The following SLC25A5 variants were observed in gnomAD, a reference collection of about 807,000 sequenced individuals.
The protein encoded by SLC25A5 is solute carrier family 25 member 5, also known as ADP/ATP translocase 2.
In SLC25A5, 4 loss-of-function variants were observed where a neutral mutation model predicts 16.5. The observed-to-expected ratio is 0.24, with a 90% CI of 0.12 to 0.56. SLC25A5 has a LOEUF of 0.56. SLC25A5 is among the 20% of genes least tolerant of loss of function. The pLI, the probability that SLC25A5 is intolerant of heterozygous loss-of-function variation, is 0.93. For missense variants in SLC25A5, 88 were observed against 248.0 expected (o/e 0.35, Z 4.33); for synonymous variants, 60 against 95.2 (o/e 0.63, Z 2.15).
At position 119,471,083 on chromosome X, in the gene SLC25A5, T is replaced by C. The variant is rs2052829711; in HGVS notation, c.*25T>C. 11 of 1,181,018 alleles carry C rather than the reference T, an allele frequency of 9.3e-6. No individual in the cohort carries two copies. Among genetic ancestry groups the C allele is most frequent in the Non-Finnish European group, 1.3e-5 (11 of 873,369 alleles). Reference sequence around the variant, plus strand: ...AGTTATTTCCTAGGATTTTTCCCCCTGTGAACAGGCATGTTGTATTATATA... The same window carrying C: ...AGTTATTTCCTAGGATTTTTCCCCCCGTGAACAGGCATGTTGTATTATATA... On this transcript the variant is annotated 3_prime_UTR_variant, in exon 4 of 4. Coordinates refer to ENST00000317881, the MANE Select transcript of SLC25A5 (RefSeq NM_001152.5).
chrX:119,469,258 C>T (rs941968642), intron 1 of SLC25A5: 2 of 120,782 alleles, frequency 1.7e-5, no homozygotes, highest in Non-Finnish European at 1.7e-5. Flanking sequence ...CGGGTCACCT[C>T]TGGGAGCGGA....
chrX:119,470,295 G>A, intron 2 of SLC25A5, 78 bp from the exon 3 acceptor site: 1 of 1,144,476 alleles, frequency 8.7e-7, no homozygotes, highest in South Asian at 2.0e-5. Flanking sequence ...GTGTACAGAT[G>A]ACGTGTTTAG....
chrX:119,470,150 A>G lies in SLC25A5; in HGVS notation c.598+3A>G. On this transcript the variant is annotated splice_donor_region_variant and intron_variant, in intron 2 of 3. Coordinates refer to ENST00000317881, the MANE Select transcript of SLC25A5 (RefSeq NM_001152.5). ...CGGTATCTATGACACTGCAAAGGGT[A>G]AGTTTGCTGTGGGCTTTAACGTTGT... is the stretch of plus-strand genomic sequence containing the variant. The G allele has an allele frequency of 1.7e-6, 2 of 1,183,779 alleles. No individual in the cohort carries two copies. The highest frequency in any genetic ancestry group is 2.3e-6 in the Non-Finnish European group (2 of 882,393).
Position 119,471,242 on chromosome X carries a change from T to C in SLC25A5, c.*184T>C. 1 of 322,697 alleles carries C rather than the reference T, an allele frequency of 3.1e-6. No individual in the cohort carries two copies. The highest frequency in any genetic ancestry group is 5.3e-6 in the Non-Finnish European group (1 of 187,838). 26.6% of individuals were successfully genotyped at this position (322,697 alleles called of 1,213,427 possible). A position where few individuals can be genotyped will look rare whatever the true frequency, so the allele number is the denominator to read the frequency against. On this transcript the variant is annotated 3_prime_UTR_variant, in exon 4 of 4. Transcript: ENST00000317881. ...AAAGCCATTTCCATGATGATGATGA[T>C]GGGACTCAATTGTATTTTTTATTTC...
chrX:119,468,465 G>A lies in SLC25A5; in HGVS notation c.-51G>A, dbSNP rs2052800700. 3 of 1,095,107 alleles carry A rather than the reference G, an allele frequency of 2.7e-6. No homozygotes were observed. Among genetic ancestry groups the A allele is most frequent in the Non-Finnish European group, 3.8e-6 (3 of 796,761 alleles). 90.2% of individuals were successfully genotyped at this position (1,095,107 alleles called of 1,213,427 possible). A position where few individuals can be genotyped will look rare whatever the true frequency, so the allele number is the denominator to read the frequency against. On this transcript the variant is annotated 5_prime_UTR_variant, in exon 1 of 4. Coordinates refer to ENST00000317881, the MANE Select transcript of SLC25A5 (RefSeq NM_001152.5). ...TCCGCCCCGCAGCGCCGGAGTCAAA[G>A]CCGGTTCCCGGCCCAGTCCCGTCCT...
chrX:119,469,450 G>A (rs2052812299), intron 1 of SLC25A5: 1 of 415,606 alleles, frequency 2.4e-6, no homozygotes, highest in African/African-American at 2.5e-5. Flanking sequence ...TCCACTCAGA[G>A]GGGTGGAGGC....
rs763886579 is a variant in SLC25A5, at chrX:119,471,077, T to C, written c.*19T>C. ...CACATAAGTTATTTCCTAGGATTTT[T>C]CCCCCTGTGAACAGGCATGTTGTAT... On this transcript the variant is annotated 3_prime_UTR_variant, in exon 4 of 4. Transcript: ENST00000317881. 2.5e-6 allele frequency: 3 copies of C among 1,193,619 alleles called. No individual in the cohort carries two copies. Among genetic ancestry groups the C allele is most frequent in the Non-Finnish European group, 3.4e-6 (3 of 883,519 alleles).
Position 119,471,005 on chromosome X carries a change from A to G in SLC25A5, c.844A>G (p.Met282Val). ...KGAWSNVLRG[M>V]GGAFVLVLYD... ...TGCATGGTCCAATGTTCTCAGAGGC[A>G]TGGGTGGTGCTTTTGTGCTTGTCTT... Residue 282 changes from methionine (M) to valine (V), a missense_variant, in exon 4 of 4, where the codon ATG (methionine) becomes GTG (valine). By Grantham distance (21) the Met-to-Val change is conservative. Transcript: ENST00000317881. 1 of 1,212,259 alleles carries G rather than the reference A, an allele frequency of 8.2e-7. No homozygotes were observed. The highest frequency in any genetic ancestry group is 1.8e-5 in the South Asian group (1 of 56,936).
In SLC25A5 at chrX:119,469,880, C is replaced by T. The variant is rs11552290; in HGVS notation, c.331C>T (p.Leu111Phe). The T allele has an allele frequency of 8.2e-7, 1 of 1,212,763 alleles. No homozygotes were observed. Among genetic ancestry groups the T allele is most frequent in the Non-Finnish European group, 1.1e-6 (1 of 895,604 alleles). ...GGVDKRTQFW[L>F]YFAGNLASGG... ...TGTGGACAAGAGAACCCAGTTTTGG[C>T]TCTACTTTGCAGGGAATCTGGCATC... Residue 111 changes from leucine to phenylalanine, a missense_variant, in exon 2 of 4, where the codon CTC becomes TTC. Transcript: ENST00000317881.
At chrX:119,469,486 C>T in intron 1 of SLC25A5, 175 bp from the exon 2 acceptor site, 1 of 515,910 alleles carries the variant, frequency 1.9e-6, no homozygotes, top group South Asian at 3.3e-5. Flanking sequence ...CAGATCACCT[C>T]TTCCCCTGTG....
Position 119,469,658 on chromosome X carries a change from T to C in SLC25A5, c.112-3T>C, listed in dbSNP as rs2052814579. ...CCCTGTTGGCTTCCTTCCTGTCTGT[T>C]AGGTGCAGCATGCCAGCAAGCAGAT... On this transcript the variant is annotated splice_polypyrimidine_tract_variant and splice_region_variant and intron_variant, in intron 1 of 3. Transcript: ENST00000317881. 1.0e-6 allele frequency: 1 copy of C among 985,248 alleles called. No individual in the cohort carries two copies. The highest frequency in any genetic ancestry group is 1.3e-6 in the Non-Finnish European group (1 of 776,542). 81.2% of individuals were successfully genotyped at this position (985,248 alleles called of 1,213,427 possible). A position where few individuals can be genotyped will look rare whatever the true frequency, so the allele number is the denominator to read the frequency against.
chrX:119,468,788 G>T, intron 1 of SLC25A5, 162 bp downstream of exon 1: 1 of 464,413 alleles, frequency 2.2e-6, no homozygotes, highest in South Asian at 3.2e-5. Flanking sequence ...AAGTCAAACT[G>T]GTGGGAGGCG....
Position 119,470,520 on chromosome X carries a change from T to G in SLC25A5, c.739+7T>G. ...CAGTCAGGGCGCAAAGGAAGTAAGT[T>G]CCACTTGAGCAGAAGATAAAGTTGT... is the stretch of plus-strand genomic sequence containing the variant. On this transcript the variant is annotated splice_region_variant and intron_variant, in intron 3 of 3. Transcript: ENST00000317881. 1 of 1,203,414 alleles carries G rather than the reference T, an allele frequency of 8.3e-7. No individual in the cohort carries two copies. The highest frequency in any genetic ancestry group is 1.1e-6 in the Non-Finnish European group (1 of 891,136).
At chrX:119,468,951 C>T (rs2052806023) in intron 1 of SLC25A5, 4 of 252,480 alleles carry the variant, frequency 1.6e-5, no homozygotes, top group South Asian at 8.8e-5. Context: ...GGCCGAAAGC[C>T]GGCGTTAGAA....
At chrX:119,470,327 A>T in intron 2 of SLC25A5, 46 bp from the exon 3 acceptor site, 3 of 1,193,682 alleles carry the variant, frequency 2.5e-6, no homozygotes, top group Non-Finnish European at 3.4e-6. Flanking sequence ...AAAGGAAGTC[A>T]GTAAAACTCT....
chrX:119,469,257 T>TTAAAAAA, intron 1 of SLC25A5: 1 of 121,262 alleles, frequency 8.2e-6, no homozygotes, highest in South Asian at 2.9e-4. Context: ...TCGGGTCACC[T>TTAAAAAA]CTGGGAGCGG....
chrX:119,469,649 C>T lies in SLC25A5; in HGVS notation c.112-12C>T, dbSNP rs1326793312. ...TATAACTGTCCCTGTTGGCTTCCTT[C>T]CTGTCTGTTAGGTGCAGCATGCCAG... is the stretch of plus-strand genomic sequence containing the variant. On this transcript the variant is annotated splice_polypyrimidine_tract_variant and intron_variant, in intron 1 of 3. Coordinates refer to ENST00000317881, the MANE Select transcript of SLC25A5 (RefSeq NM_001152.5). The T allele has an allele frequency of 8.5e-7, 1 of 1,178,285 alleles. No homozygotes were observed. Among genetic ancestry groups the T allele is most frequent in the Non-Finnish European group, 1.1e-6 (1 of 878,059 alleles).
rs769085937 is a variant in SLC25A5, at chrX:119,470,989, C to T, written c.828C>T (p.Ser276=). The part of the protein sequence containing the change: ...GGKAFFKGAW[S]NVLRGMGGAF... ...AAGCTTTTTTCAAGGGTGCATGGTC[C>T]AATGTTCTCAGAGGCATGGGTGGTG... The change falls in exon 4 of 4, where the codon TCC becomes TCT. Residue 276 remains serine, a synonymous_variant. Transcript: ENST00000317881. 15 of 1,211,916 alleles carry T rather than the reference C, an allele frequency of 1.2e-5. No homozygotes were observed.
Position 119,468,761 on chromosome X carries a change from G to C in SLC25A5, c.111+135G>C, listed in dbSNP as rs955780186. On this transcript the variant is annotated intron_variant, in intron 1 of 3. Transcript: ENST00000317881. ...GCGGCTTAGGAGAGGCCAGAGCGGG[G>C]CGCAGAGGCAGAACAGAAGTCAAAC... 6.6e-5 allele frequency: 35 copies of C among 527,973 alleles called. No homozygotes were observed. In the East Asian group the frequency reaches 1.1e-3, roughly 16 times the overall value. 43.5% of individuals were successfully genotyped at this position (527,973 alleles called of 1,213,427 possible). A position where few individuals can be genotyped will look rare whatever the true frequency, so the allele number is the denominator to read the frequency against.
Sources: allele counts gnomAD v4.1 joint callset, GRCh38; gene constraint gnomAD v4.1.1; transcripts MANE v1.5; gene names NCBI Gene and HGNC (gene_info 2026-07-23, HGNC 2026-07-21).